Variants in ABCA6 observed in about 807,000 individuals in gnomAD.
ABCA6 encodes ATP-binding cassette sub-family A member 6.
A neutral mutation model predicts 191.2 loss-of-function variants in ABCA6; 164 were observed. The ratio of observed to expected loss-of-function variants is 0.86; its 90% CI spans 0.76 to 0.98. The LOEUF is 0.98. Among genes scored for constraint, ABCA6 ranks in the 50% least tolerant of loss-of-function variants. The probability of loss-of-function intolerance (pLI) is 0.00; values close to 1 mark genes in which losing one functional copy is unlikely to be tolerated. For missense variants in ABCA6, 1,958 were observed against 1,894.1 expected (o/e 1.03, Z -0.63); for synonymous variants, 636 against 647.7 (o/e 0.98, Z 0.27).
At chr17:69,112,074 C>A (rs954909663) in intron 16 of ABCA6, 109 bp downstream of exon 16, 4 of 794,216 alleles carry the variant, frequency 5.0e-6, no homozygotes, top group Non-Finnish European at 8.6e-6. Flanking sequence ...CTGATCAATC[C>A]AGTATGGTAG....
At chr17:69,123,932 TC>T (rs2073699410) in intron 9 of ABCA6, among the ~76,000 whole-genome samples, 1 of 152,062 alleles carries the variant, frequency 6.6e-6, no homozygotes. Context: ...TAAAATGTGA[TC>T]TAAAAGGTAT....
intron 31 of ABCA6, 88 bp downstream of exon 31, chr17:69,085,537 A>G (rs1231466081): frequency 1.0e-5 from 8 of 793,868 alleles, no homozygotes; most frequent in Non-Finnish European, 1.5e-5. Context: ...AAAAAAAAAG[A>G]AAAGAAAAAT....
rs749494699 is a variant in ABCA6, at chr17:69,109,791, T to C, written c.2272+1010A>G. Reference sequence around the variant, plus strand: ...GATATCAGAGCAACTGTCACGGTATTGCAGTTCAAGGCACCCCTATTTTAC... The same window carrying C: ...GATATCAGAGCAACTGTCACGGTATCGCAGTTCAAGGCACCCCTATTTTAC... On this transcript the variant is annotated intron_variant, in intron 17 of 38. Coordinates refer to ENST00000284425, the MANE Select transcript of ABCA6 (RefSeq NM_080284.3). 82 of 152,134 alleles carry C rather than the reference T, an allele frequency of 5.4e-4. 2 individuals carry two copies. The highest frequency in any genetic ancestry group is 7.4e-5 in the Non-Finnish European group (5 of 68,026). The allele number at this position is 152,134 out of a possible 1,614,324, so 9.4% of individuals were successfully genotyped here. A position where few individuals can be genotyped will look rare whatever the true frequency, so the allele number is the denominator to read the frequency against.
chr17:69,095,622 G>T (rs935767967), intron 25 of ABCA6: 5 of 152,166 alleles, frequency 3.3e-5, no homozygotes, highest in African/African-American at 9.7e-5. Context: ...ATGATCTTTG[G>T]TTGGGTTCTT....
At chr17:69,123,653 T>C (rs557495605) in intron 9 of ABCA6, among the ~76,000 whole-genome samples, 9 of 152,078 alleles carry the variant, frequency 5.9e-5, no homozygotes, top group Non-Finnish European at 1.2e-4. Context: ...AAATAGAATG[T>C]GATCAAAAAA....
chr17:69,105,571 A>G lies in ABCA6; in HGVS notation c.2631T>C (p.Ala877=), dbSNP rs761208529. The change falls in exon 20 of 39, where the codon GCT becomes GCC. Residue 877 remains alanine (A), a synonymous_variant. Transcript: ENST00000284425. ...FPLIVENIMY[A]MLNEKIDWEF... is the part of the protein sequence containing the mutation. ...CCCAATCGATCTTTTCATTTAACATAGCATACATTATATTTTCAACAATCA... is the reference window on the plus strand; with the variant it reads ...CCCAATCGATCTTTTCATTTAACATGGCATACATTATATTTTCAACAATCA... 3 of 1,573,104 alleles carry G rather than the reference A, an allele frequency of 1.9e-6. No individual in the cohort carries two copies. The highest frequency in any genetic ancestry group is 2.6e-6 in the Non-Finnish European group (3 of 1,144,908).
chr17:69,118,455 C>T (rs1300478929), intron 10 of ABCA6, among the ~76,000 whole-genome samples: 1 of 152,024 alleles, frequency 6.6e-6, no homozygotes, highest in Non-Finnish European at 1.5e-5. Flanking sequence ...ACAAAATTCT[C>T]AAAATAAACT....
At chr17:69,132,149 T>C (rs1407280707) in intron 6 of ABCA6, among the ~76,000 whole-genome samples, 2 of 152,292 alleles carry the variant, frequency 1.3e-5, no homozygotes, top group African/African-American at 2.4e-5. Context: ...ATAGTTTTAT[T>C]TCAGGTAACA....
chr17:69,102,735 G>A (rs1246647823), intron 21 of ABCA6, 100 bp downstream of exon 21: 11 of 1,140,932 alleles, frequency 9.6e-6, no homozygotes, highest in Admixed American at 6.2e-5. Context: ...ATGTTTTTCT[G>A]AGTCAAGTTT....
At chr17:69,097,390 C>CAAAA (rs11365217) in intron 23 of ABCA6, among the ~76,000 whole-genome samples, 1 of 78,070 alleles carries the variant, frequency 1.3e-5, no homozygotes, top group African/African-American at 3.4e-5. Context: ...GACTCCATCT[C>CAAAA]AAAAAAAAAA....
At chr17:69,123,702 T>C (rs1394159432) in intron 9 of ABCA6, among the ~76,000 whole-genome samples, 1 of 152,022 alleles carries the variant, frequency 6.6e-6, no homozygotes, top group Non-Finnish European at 1.5e-5. Flanking sequence ...AATAAAATAT[T>C]AGGTGTATGA....
In ABCA6 at chr17:69,125,025, A is replaced by C; in HGVS notation, c.1130T>G (p.Leu377Arg). ...AATTACACCATTCAAGTTATAATCC[A>C]GTTTGATAATCTAAGATTCAAAAAA... ...FTTGMIQIIK[L>R]DYNLNGVIFP... is the part of the protein sequence containing the mutation. The change falls in exon 9 of 39, where the codon CTG becomes CGG. Residue 377 changes from leucine (L) to arginine (R), a missense_variant. Physicochemically the swap from Leu to Arg is moderately radical, Grantham distance 102. Coordinates refer to ENST00000284425, the MANE Select transcript of ABCA6 (RefSeq NM_080284.3). The C allele has an allele frequency of 1.0e-5, 14 of 1,385,544 alleles. No homozygotes were observed. The highest frequency in any genetic ancestry group is 1.3e-5 in the Non-Finnish European group (14 of 1,045,678). The allele number at this position is 1,385,544 out of a possible 1,614,324, so 85.8% of individuals were successfully genotyped here. A position where few individuals can be genotyped will look rare whatever the true frequency, so the allele number is the denominator to read the frequency against.
intron 14 of ABCA6, 88 bp from the exon 15 acceptor site, chr17:69,113,448 A>C (rs1475827526): frequency 6.6e-7 from 1 of 1,517,052 alleles, no homozygotes; most frequent in Non-Finnish European, 8.9e-7. Flanking sequence ...AATACCATAA[A>C]ATAATAACCA....
chr17:69,108,477 T>C (rs943807835), intron 17 of ABCA6: 1 of 152,210 alleles, frequency 6.6e-6, no homozygotes, highest in African/African-American at 2.4e-5. Context: ...TTTTGTGTAT[T>C]TTGTGTGTCT....
chr17:69,136,544 G>A (rs2073950988), intron 3 of ABCA6, among the ~76,000 whole-genome samples: 2 of 152,092 alleles, frequency 1.3e-5, no homozygotes, highest in African/African-American at 4.8e-5. Context: ...GAGAATGAGA[G>A]TACAAAAACA....
At chr17:69,092,217 C>A (rs916793740) in intron 25 of ABCA6, among the ~76,000 whole-genome samples, 7 of 152,160 alleles carry the variant, frequency 4.6e-5, no homozygotes, top group African/African-American at 1.4e-4. Context: ...TTTCCCAGAT[C>A]TTATTAATGT....
chr17:69,105,748 T>C lies in ABCA6; in HGVS notation c.2574-120A>G, dbSNP rs946870284. 12 of 853,902 alleles carry C rather than the reference T, an allele frequency of 1.4e-5. No individual in the cohort carries two copies. In the African/African-American group the frequency reaches 1.7e-4, roughly 12 times the overall value. 52.9% of individuals were successfully genotyped at this position (853,902 alleles called of 1,614,324 possible). ...TTATGCCAATCATGATTCTAGGTGC[T>C]AAAATTCTGAAGATAATACCCTAGC... On this transcript the variant is annotated intron_variant, in intron 19 of 38. Transcript: ENST00000284425.
At chr17:69,127,201 C>T (rs995922190) in intron 8 of ABCA6, among the ~76,000 whole-genome samples, 3 of 152,116 alleles carry the variant, frequency 2.0e-5, no homozygotes, top group Non-Finnish European at 4.4e-5. Flanking sequence ...TCTAGAAAAA[C>T]AGCCAGAAAA....
chr17:69,112,029 G>A, intron 16 of ABCA6, 154 bp downstream of exon 16: 1 of 604,528 alleles, frequency 1.7e-6, no homozygotes, highest in South Asian at 2.2e-5. Flanking sequence ...AAAGACACAG[G>A]AGGAAGGAAA....
Sources: allele counts gnomAD v4.1 joint callset (sites outside exome capture counted in the v4.1 genomes callset), GRCh38; gene constraint gnomAD v4.1.1; transcripts MANE v1.5; gene names NCBI Gene and HGNC (gene_info 2026-07-23, HGNC 2026-07-21).